The following MAP4 variants were observed in gnomAD, a reference collection of about 807,000 sequenced individuals.
MAP4 encodes microtubule-associated protein 4.
MAP4 carries 76 observed loss-of-function variants against 170.2 expected under a neutral mutation model. The ratio of observed to expected loss-of-function variants is 0.45; its 90% CI spans 0.37 to 0.54. MAP4 has a LOEUF of 0.54. Among genes scored for constraint, MAP4 ranks in the 20% least tolerant of loss-of-function variants. The pLI is 0.00. For missense variants in MAP4, 2,506 were observed against 2,748.0 expected (o/e 0.91, Z 1.97); for synonymous variants, 909 against 994.5 (o/e 0.91, Z 1.62).
At chr3:47,987,394 T>G in intron 2 of MAP4, 1 of 1,532,810 alleles carries the variant, frequency 6.5e-7, no homozygotes, top group South Asian at 1.2e-5. Flanking sequence ...AAGAGGAAGA[T>G]GAAAAGAAAG....
chr3:47,943,278 A>T (rs1357481434), intron 3 of MAP4, among the ~76,000 whole-genome samples: 1 of 152,170 alleles, frequency 6.6e-6, no homozygotes, highest in African/African-American at 2.4e-5. Context: ...TCTCCACTGT[A>T]TTAAACTAGC....
chr3:48,036,523 G>T (rs1291640505), intron 1 of MAP4, among the ~76,000 whole-genome samples: 1 of 152,080 alleles, frequency 6.6e-6, no homozygotes, highest in African/African-American at 2.4e-5. Flanking sequence ...TTCTGTCTTC[G>T]TAGGTCCAAG....
intron 17 of MAP4, among the ~76,000 whole-genome samples, chr3:47,858,586 G>GGGGTGTGT (rs143478649): frequency 2.1e-5 from 3 of 145,180 alleles, no homozygotes; most frequent in African/African-American, 7.8e-5. Context: ...GTGAGGGGGT[G>GGGGTGTGT]GTGTGTGTGT....
chr3:47,942,362 T>C (rs1305381387), intron 3 of MAP4, among the ~76,000 whole-genome samples: 1 of 152,216 alleles, frequency 6.6e-6, no homozygotes, highest in Admixed American at 6.5e-5. Context: ...CTGACAGTTT[T>C]TTTTAAATTA....
At chr3:47,984,062 T>C (rs1487698457) in intron 2 of MAP4, among the ~76,000 whole-genome samples, 1 of 152,104 alleles carries the variant, frequency 6.6e-6, no homozygotes, top group Non-Finnish European at 1.5e-5. Context: ...ATATGCATAA[T>C]GGAAGTCTCA....
chr3:48,065,131 T>TA (rs571787969), intron 1 of MAP4, among the ~76,000 whole-genome samples: 1 of 151,864 alleles, frequency 6.6e-6, no homozygotes, highest in Non-Finnish European at 1.5e-5. Context: ...CACTGTCTCT[T>TA]AAAAAAAAGA....
chr3:47,957,087 TATA>T (rs59435267), intron 3 of MAP4, among the ~76,000 whole-genome samples: 1,731 of 152,350 alleles, frequency 0.011, 36 homozygotes, highest in African/African-American at 0.039. Flanking sequence ...CTTCTCTGCC[TATA>T]ATGTTTTTGG....
At chr3:47,959,424 C>T (rs1406238536) in intron 3 of MAP4, among the ~76,000 whole-genome samples, 3 of 151,270 alleles carry the variant, frequency 2.0e-5, no homozygotes, top group East Asian at 3.9e-4. Context: ...TGTGCCACTG[C>T]ACTCCAGCCT....
chr3:47,914,776 C>T (rs1236647446), intron 8 of MAP4, 41 bp downstream of exon 8: 1 of 1,613,148 alleles, frequency 6.2e-7, no homozygotes, highest in South Asian at 1.1e-5. Flanking sequence ...TCTATCGCCC[C>T]TAATTTGTTT....
At chr3:48,087,719 A>ACACG (rs2100149886) in intron 1 of MAP4, among the ~76,000 whole-genome samples, 1 of 144,930 alleles carries the variant, frequency 6.9e-6, no homozygotes, top group South Asian at 2.2e-4. Context: ...ACACACATAC[A>ACACG]CACGCACGCG....
At chr3:48,069,762 A>G (rs1253680161) in intron 1 of MAP4, among the ~76,000 whole-genome samples, 1 of 152,212 alleles carries the variant, frequency 6.6e-6, no homozygotes, top group Non-Finnish European at 1.5e-5. Flanking sequence ...TACTCAGCCC[A>G]AGAGAACTTG....
chr3:47,920,114 G>C (rs12631365), intron 5 of MAP4, among the ~76,000 whole-genome samples: 51,173 of 151,998 alleles, frequency 0.34, 9,759 homozygotes, highest in Non-Finnish European at 0.41. Flanking sequence ...GGGATTATAG[G>C]TGTCTGCCAC....
At chr3:47,935,939 C>CAAA (rs74405606) in intron 3 of MAP4, among the ~76,000 whole-genome samples, 11 of 59,282 alleles carry the variant, frequency 1.9e-4, no homozygotes, top group Middle Eastern at 8.1e-3. Flanking sequence ...ACTTAGTCTC[C>CAAA]AAAAAAAAAA....
At chr3:47,864,860 T>C (rs2076700165) in intron 17 of MAP4, among the ~76,000 whole-genome samples, 1 of 152,038 alleles carries the variant, frequency 6.6e-6, no homozygotes, top group African/African-American at 2.4e-5. Flanking sequence ...GAGCAAGACT[T>C]TTTTTTGTAG....
intron 17 of MAP4, among the ~76,000 whole-genome samples, chr3:47,858,493 T>G (rs1003812850): frequency 1.1e-4 from 17 of 152,014 alleles, no homozygotes; most frequent in African/African-American, 3.9e-4. Flanking sequence ...TCTCAAATCC[T>G]TACCTATCAA....
chr3:48,070,755 C>T, intron 1 of MAP4, among the ~76,000 whole-genome samples: 1 of 150,770 alleles, frequency 6.6e-6, no homozygotes, highest in Non-Finnish European at 1.5e-5. Context: ...AATCCCAGCA[C>T]TTTGGGAGGC....
intron 1 of MAP4, among the ~76,000 whole-genome samples, chr3:48,034,677 T>C (rs980395428): frequency 1.3e-5 from 2 of 151,672 alleles, no homozygotes; most frequent in African/African-American, 4.9e-5. Context: ...CACTCCACCC[T>C]GGGCGACAGA....
intron 2 of MAP4, among the ~76,000 whole-genome samples, chr3:47,982,052 A>G (rs1459611244): frequency 6.6e-6 from 1 of 152,188 alleles, no homozygotes; most frequent in African/African-American, 2.4e-5. Context: ...TGGGAAGCCA[A>G]GGTGAGCAGA....
upstream of MAP4, among the ~76,000 whole-genome samples, chr3:48,021,267 ATAAGGTTTTATTTTATTT>A (rs1403851484): frequency 6.6e-6 from 1 of 152,170 alleles, no homozygotes; most frequent in Non-Finnish European, 1.5e-5. Context: ...GGAAAAACCT[ATAAGGTTTTATTTTATTT>A]TAAGGTTTTA....
Sources: gnomAD v4.1 joint callset for allele counts (sites outside exome capture counted in the v4.1 genomes callset) on GRCh38, gnomAD v4.1.1 for gene constraint, MANE v1.5 for transcripts, NCBI Gene and HGNC (gene_info 2026-07-23, HGNC 2026-07-21) for gene names.